The following PABPC4L variants were observed in gnomAD, a reference collection of about 807,000 sequenced individuals.
PABPC4L encodes poly(A) binding protein cytoplasmic 4 like.
For synonymous variants in PABPC4L, 169 were observed against 164.1 expected (o/e 1.03, Z -0.23); for missense variants, 452 against 451.4 (o/e 1.00, Z -0.01).
the PABPC4L span, among the ~76,000 whole-genome samples, chr4:134,048,224 A>T: frequency 6.6e-6 from 1 of 152,124 alleles, no homozygotes; most frequent in Non-Finnish European, 1.5e-5. Context: ...TAAACTAATA[A>T]ATATACTTGA....
the PABPC4L span, among the ~76,000 whole-genome samples, chr4:134,069,487 A>G: frequency 1.3e-5 from 2 of 152,128 alleles, no homozygotes; most frequent in East Asian, 3.9e-4. Flanking sequence ...TCTTTACATA[A>G]TCCCATATTT....
chr4:134,175,787 A>G, the PABPC4L span, among the ~76,000 whole-genome samples: 4 of 152,130 alleles, frequency 2.6e-5, no homozygotes, highest in Non-Finnish European at 5.9e-5. Flanking sequence ...AATAAAATGG[A>G]TTTCCTTAAA....
the PABPC4L span, among the ~76,000 whole-genome samples, chr4:134,173,492 G>A: frequency 6.6e-6 from 1 of 152,050 alleles, no homozygotes; most frequent in Non-Finnish European, 1.5e-5. Flanking sequence ...TCACTCATAT[G>A]TGGGAAATAA....
chr4:133,981,255 G>T, the PABPC4L span, among the ~76,000 whole-genome samples: 3 of 152,140 alleles, frequency 2.0e-5, no homozygotes, highest in South Asian at 6.2e-4. Flanking sequence ...AATACTTTTA[G>T]GCAACCCTCA....
the PABPC4L span, among the ~76,000 whole-genome samples, chr4:134,172,808 T>C: frequency 6.6e-6 from 1 of 151,602 alleles, no homozygotes; most frequent in African/African-American, 2.4e-5. Context: ...ATAAAAAATA[T>C]TAAAATATAT....
chr4:133,987,196 T>C, the PABPC4L span, among the ~76,000 whole-genome samples: 1 of 152,192 alleles, frequency 6.6e-6, no homozygotes, highest in African/African-American at 2.4e-5. Context: ...ACTGCTCATA[T>C]CACATTGTCC....
At chr4:134,085,659 A>T in the PABPC4L span, among the ~76,000 whole-genome samples, 2 of 152,164 alleles carry the variant, frequency 1.3e-5, no homozygotes, top group Admixed American at 1.3e-4. Context: ...CTCTATGTAG[A>T]TGAAACCATG....
At chr4:133,955,686 A>G in the PABPC4L span, among the ~76,000 whole-genome samples, 1 of 152,226 alleles carries the variant, frequency 6.6e-6, no homozygotes, top group African/African-American at 2.4e-5. Flanking sequence ...TAACTTGTAA[A>G]GTACCAGCAA....
the PABPC4L span, among the ~76,000 whole-genome samples, chr4:134,176,603 AC>A: frequency 2.0e-5 from 3 of 152,162 alleles, no homozygotes; most frequent in Non-Finnish European, 2.9e-5. Flanking sequence ...TGGAGAGGAA[AC>A]AAAAAGGCTA....
the PABPC4L span, among the ~76,000 whole-genome samples, chr4:134,176,679 G>C: frequency 3.3e-5 from 5 of 151,988 alleles, no homozygotes; most frequent in East Asian, 7.7e-4. Flanking sequence ...AGGCAGCAGG[G>C]GGACACAGAA....
the PABPC4L span, among the ~76,000 whole-genome samples, chr4:133,959,899 G>T: frequency 1.3e-5 from 2 of 152,236 alleles, no homozygotes; most frequent in South Asian, 4.1e-4. Context: ...CTCAAAATTG[G>T]CTGACGTATT....
At chr4:134,052,318 C>G in the PABPC4L span, among the ~76,000 whole-genome samples, 1 of 151,614 alleles carries the variant, frequency 6.6e-6, no homozygotes, top group Admixed American at 6.6e-5. Context: ...TTTTTTTAGC[C>G]CAGTCAAATT....
the PABPC4L span, among the ~76,000 whole-genome samples, chr4:134,074,999 T>C: frequency 6.6e-6 from 1 of 152,174 alleles, no homozygotes; most frequent in Admixed American, 6.5e-5. Flanking sequence ...AAAATAATCA[T>C]GGTCAGTTAA....
the PABPC4L span, among the ~76,000 whole-genome samples, chr4:134,045,050 T>C: frequency 1.3e-5 from 2 of 152,158 alleles, no homozygotes; most frequent in Non-Finnish European, 2.9e-5. Context: ...AGGACAGTTT[T>C]ATTTTATTCT....
At chr4:134,086,138 T>TA in the PABPC4L span, among the ~76,000 whole-genome samples, 2 of 149,940 alleles carry the variant, frequency 1.3e-5, no homozygotes, top group African/African-American at 2.4e-5. Flanking sequence ...GGTTCTTTTT[T>TA]CTTTGGCATT....
chr4:134,071,685 A>G, the PABPC4L span, among the ~76,000 whole-genome samples: 5 of 152,216 alleles, frequency 3.3e-5, no homozygotes, highest in African/African-American at 9.6e-5. Flanking sequence ...TAAGAAACAC[A>G]GTAATGCACA....
chr4:134,090,384 G>A, the PABPC4L span, among the ~76,000 whole-genome samples: 1 of 151,916 alleles, frequency 6.6e-6, no homozygotes, highest in Non-Finnish European at 1.5e-5. Flanking sequence ...TGATCCATTT[G>A]AAATACATTC....
the PABPC4L span, among the ~76,000 whole-genome samples, chr4:134,036,919 T>G: frequency 3.3e-5 from 5 of 151,568 alleles, no homozygotes; most frequent in African/African-American, 1.2e-4. Flanking sequence ...AGCCAGGTGT[T>G]GTGGTGCGTG....
the PABPC4L span, among the ~76,000 whole-genome samples, chr4:134,187,436 C>G: frequency 1.3e-5 from 2 of 151,388 alleles, no homozygotes; most frequent in Non-Finnish European, 2.9e-5. Flanking sequence ...AGCAAAGTAT[C>G]GCAAGGACAG....
Sources: gnomAD v4.1 joint callset for allele counts (sites outside exome capture counted in the v4.1 genomes callset) on GRCh38, gnomAD v4.1.1 for gene constraint, MANE v1.5 for transcripts, NCBI Gene and HGNC (gene_info 2026-07-23, HGNC 2026-07-21) for gene names.